LCNL1: variants seen among roughly 807,000 people sequenced by gnomAD.
LCNL1 encodes lipocalin-like 1 protein.
LCNL1 carries 11 observed loss-of-function variants against 7.9 expected under a neutral mutation model. The observed-to-expected ratio is 1.40, with a 90% CI of 0.88 to 2.32. The LOEUF is 2.32. Ranked by LOEUF, LCNL1 falls within the 30% of genes most tolerant of loss-of-function variation. The pLI is 0.00. For synonymous variants in LCNL1, 90 were observed against 92.5 expected (o/e 0.97, Z 0.15); for missense variants, 218 against 217.0 (o/e 1.00, Z -0.03).
rs1253563512 is a variant in LCNL1 at position 136,985,504 on chromosome 9, C to T, written c.*493C>T. On this transcript the variant is annotated 3_prime_UTR_variant, in exon 3 of 3. Coordinates refer to ENST00000408973, the MANE Select transcript of LCNL1 (RefSeq NM_207510.4). Reference sequence around the variant, plus strand: ...GCTGCACCGCGGGGCCCTCTACCTTCGGGGCAGCTAGGGACGACAGCGGGG... The same window carrying T: ...GCTGCACCGCGGGGCCCTCTACCTTTGGGGCAGCTAGGGACGACAGCGGGG... 6.4e-6 allele frequency: 1 copy of T among 155,276 alleles called. No homozygotes were observed. Among genetic ancestry groups the T allele is most frequent in the African/African-American group, 2.4e-5 (1 of 41,582 alleles). 9.6% of individuals were successfully genotyped at this position (155,276 alleles called of 1,614,324 possible).
Position 136,983,560 on chromosome 9 carries a change from G to A in LCNL1, c.-27G>A, listed in dbSNP as rs748471412. 2.5e-6 allele frequency: 4 copies of A among 1,609,518 alleles called. No individual in the cohort carries two copies. Among genetic ancestry groups the A allele is most frequent in the African/African-American group, 2.7e-5 (2 of 74,876 alleles). On this transcript the variant is annotated 5_prime_UTR_variant, in exon 1 of 3. Transcript: ENST00000408973. ...CGGCCTCCCAGCCTTCCCTGCACTTGCCCTGCAGTTCCAGGGCACCTGGTA... is the reference window on the plus strand; with the variant it reads ...CGGCCTCCCAGCCTTCCCTGCACTTACCCTGCAGTTCCAGGGCACCTGGTA...
chr9:136,985,268 T>G lies in LCNL1; in HGVS notation c.*257T>G. On this transcript the variant is annotated 3_prime_UTR_variant, in exon 3 of 3. Coordinates refer to ENST00000408973, the MANE Select transcript of LCNL1 (RefSeq NM_207510.4). ...GTGCCCGGGGCAGACCCAGCCTGTC[T>G]GGGTCGGGGGAGGGCGAGACGTTGC... 1 of 448,198 alleles carries G rather than the reference T, an allele frequency of 2.2e-6. No homozygotes were observed. The highest frequency in any genetic ancestry group is 4.0e-5 in the Admixed American group (1 of 24,798). The allele number at this position is 448,198 out of a possible 1,614,324, so 27.8% of individuals were successfully genotyped here.
In LCNL1 at chr9:136,985,411, G is replaced by A. The variant is rs1830490023; in HGVS notation, c.*400G>A. ...TCTCTCTGCAGACCAGTGTGCGGGC[G>A]CGCTCTCCCGGGTGAGTAGACCATG... is the stretch of plus-strand genomic sequence containing the variant. On this transcript the variant is annotated 3_prime_UTR_variant, in exon 3 of 3. Transcript: ENST00000408973. 1 of 186,232 alleles carries A rather than the reference G, an allele frequency of 5.4e-6. No individual in the cohort carries two copies. 11.5% of individuals were successfully genotyped at this position (186,232 alleles called of 1,614,324 possible). A position where few individuals can be genotyped will look rare whatever the true frequency, so the allele number is the denominator to read the frequency against.
chr9:136,984,613 C>T (rs774548854), intron 2 of LCNL1, 50 bp downstream of exon 2: 49 of 1,519,024 alleles, frequency 3.2e-5, no homozygotes, highest in Non-Finnish European at 4.2e-5. Flanking sequence ...CTGGAGGCTG[C>T]ATGGACTGCT....
Position 136,985,087 on chromosome 9 carries a change from C to A in LCNL1, c.*76C>A, listed in dbSNP as rs553472493. 7.2e-4 allele frequency: 972 copies of A among 1,348,950 alleles called. No homozygotes were observed. The highest frequency in any genetic ancestry group is 7.8e-4 in the Non-Finnish European group (784 of 1,009,200). 83.6% of individuals were successfully genotyped at this position (1,348,950 alleles called of 1,614,324 possible). On this transcript the variant is annotated 3_prime_UTR_variant, in exon 3 of 3. Coordinates refer to ENST00000408973, the MANE Select transcript of LCNL1 (RefSeq NM_207510.4). ...GGCGCCCAGAAGATGCAGCTACTGGCGCCCCAAGTGGGCCTGAGCCCCAGC... is the reference window on the plus strand; with the variant it reads ...GGCGCCCAGAAGATGCAGCTACTGGAGCCCCAAGTGGGCCTGAGCCCCAGC...
chr9:136,984,627 T>C (rs1439622621), intron 2 of LCNL1, 64 bp downstream of exon 2: 118 of 1,505,446 alleles, frequency 7.8e-5, no homozygotes, highest in Middle Eastern at 7.2e-4. Flanking sequence ...GACTGCTGGA[T>C]TGGCACCTGG....
At position 136,984,901 on chromosome 9, in the gene LCNL1, T is replaced by C. The variant is rs1830482347; in HGVS notation, c.385T>C (p.Phe129Leu). The C allele has an allele frequency of 1.3e-6, 2 of 1,557,314 alleles. No individual in the cohort carries two copies. The highest frequency in any genetic ancestry group is 8.7e-7 in the Non-Finnish European group (1 of 1,150,442). The change falls in exon 3 of 3, where the codon TTT (phenylalanine) becomes CTT (leucine). Residue 129 changes from phenylalanine (F) to leucine (L), a missense_variant. By Grantham distance (22) the Phe-to-Leu change is conservative. Coordinates refer to ENST00000408973, the MANE Select transcript of LCNL1 (RefSeq NM_207510.4). ...GMSPLCLHQPFLHAEGGTAGS... is the reference protein window; with the variant it reads ...GMSPLCLHQPLLHAEGGTAGS... ...GTCACCCCTGTGCCTGCACCAGCCC[T>C]TTCTGCACGCGGAAGGTGGAACCGC...
rs1830494471 is a variant in LCNL1, at chr9:136,985,750, CT to C, written c.*740del. On this transcript the variant is annotated 3_prime_UTR_variant, in exon 3 of 3. Coordinates refer to ENST00000408973, the MANE Select transcript of LCNL1 (RefSeq NM_207510.4). ...CCTGGCCCCAAGCGCAATAAACACC[CT>C]GAATGCCTGTGGCGCTGTGCGTTTC... 6.6e-6 allele frequency: 1 copy of C among 152,176 alleles called. No individual in the cohort carries two copies. Among genetic ancestry groups the C allele is most frequent in the Admixed American group, 6.5e-5 (1 of 15,284 alleles). The allele number at this position is 152,176 out of a possible 1,614,324, so 9.4% of individuals were successfully genotyped here. A position where few individuals can be genotyped will look rare whatever the true frequency, so the allele number is the denominator to read the frequency against.
chr9:136,984,803 AC>A lies in LCNL1; in HGVS notation c.289del (p.Gln97SerfsTer112), dbSNP rs1382590516. ...YLEMRKGGLR[N>X]QWLQLYGGRA... ...GAGATGCGGAAAGGGGGCCTGCGGA[AC>A]CAGTGGCTGCAGCTCTACGGTGGGC... On this transcript the variant is annotated frameshift_variant, in exon 3 of 3. Coordinates refer to ENST00000408973, the MANE Select transcript of LCNL1 (RefSeq NM_207510.4). LOFTEE classifies it low-confidence loss of function (END_TRUNC). 6.3e-7 allele frequency: 1 copy of A among 1,578,850 alleles called. No individual in the cohort carries two copies. Among genetic ancestry groups the A allele is most frequent in the Non-Finnish European group, 8.6e-7 (1 of 1,161,438 alleles).
In LCNL1 at chr9:136,983,585, A is replaced by G. The variant is rs751211878; in HGVS notation, c.-2A>G. 5.0e-6 allele frequency: 8 copies of G among 1,612,904 alleles called. No homozygotes were observed. Among genetic ancestry groups the G allele is most frequent in the Non-Finnish European group, 8.5e-7 (1 of 1,179,258 alleles). On this transcript the variant is annotated 5_prime_UTR_variant, in exon 1 of 3. Coordinates refer to ENST00000408973, the MANE Select transcript of LCNL1 (RefSeq NM_207510.4). ...GCCCTGCAGTTCCAGGGCACCTGGT[A>G]CATGGTCGGGGTGGTGTCAGATGAC... is the stretch of plus-strand genomic sequence containing the variant.
At position 136,983,497 on chromosome 9, in the gene LCNL1, G is replaced by T; in HGVS notation, c.-90G>T. ...CCGTGGCCAGGAAGCAGCTGTGTCGGGGCAGAATGTGGTGGGCTCAGGCCC... is the reference window on the plus strand; with the variant it reads ...CCGTGGCCAGGAAGCAGCTGTGTCGTGGCAGAATGTGGTGGGCTCAGGCCC... On this transcript the variant is annotated 5_prime_UTR_variant, in exon 1 of 3. Coordinates refer to ENST00000408973, the MANE Select transcript of LCNL1 (RefSeq NM_207510.4). The T allele has an allele frequency of 6.5e-7, 1 of 1,533,232 alleles. No homozygotes were observed. Among genetic ancestry groups the T allele is most frequent in the South Asian group, 1.1e-5 (1 of 87,960 alleles). The allele number at this position is 1,533,232 out of a possible 1,614,324, so 95.0% of individuals were successfully genotyped here. A position where few individuals can be genotyped will look rare whatever the true frequency, so the allele number is the denominator to read the frequency against.
Position 136,984,731 on chromosome 9 carries a change from T to A in LCNL1, c.215T>A (p.Ile72Asn). Residue 72 changes from isoleucine (I) to asparagine (N), a missense_variant, in exon 3 of 3, where the codon ATC (isoleucine) becomes AAC (asparagine). Physicochemically the swap from Ile to Asn is moderately radical, Grantham distance 149 (BLOSUM62 -3). Transcript: ENST00000408973. ...FSNPAMALSD[I>N]RVAFSDYQHF... ...CCTCCAGCCATGGCCCTGAGTGACA[T>A]CCGAGTGGCCTTCTCCGACTACCAG... The A allele has an allele frequency of 6.5e-7, 1 of 1,532,100 alleles. No individual in the cohort carries two copies. The highest frequency in any genetic ancestry group is 8.8e-7 in the Non-Finnish European group (1 of 1,134,948). 94.9% of individuals were successfully genotyped at this position (1,532,100 alleles called of 1,614,324 possible).
At position 136,983,314 on chromosome 9, in the gene LCNL1, G is replaced by GA. The variant is rs1343183771; in HGVS notation, c.-272dup. 2.7e-5 allele frequency: 11 copies of GA among 414,314 alleles called. No homozygotes were observed. The East Asian group carries it at 4.7e-4, about 18-fold the overall frequency. The allele number at this position is 414,314 out of a possible 1,614,324, so 25.7% of individuals were successfully genotyped here. A position where few individuals can be genotyped will look rare whatever the true frequency, so the allele number is the denominator to read the frequency against. On this transcript the variant is annotated 5_prime_UTR_variant, in exon 1 of 3. It introduces an in-frame stop codon into an upstream open reading frame of the 5' UTR. Transcript: ENST00000408973. The stretch of plus-strand genomic sequence containing the variant: ...CACTGTCCCCCACCCACCCCACAAA[G>GA]ACCTGTGACCTTGCCACAGCCCCAC...
At chr9:136,984,584 G>A in intron 2 of LCNL1, 21 bp downstream of exon 2, 1 of 1,546,770 alleles carries the variant, frequency 6.5e-7, no homozygotes, top group Non-Finnish European at 8.7e-7. Context: ...GCAGCAGGCA[G>A]GGCTGTGGCG....
In LCNL1 at chr9:136,983,439, G is replaced by T. The variant is rs1830463862; in HGVS notation, c.-148G>T. On this transcript the variant is annotated 5_prime_UTR_variant, in exon 1 of 3. Coordinates refer to ENST00000408973, the MANE Select transcript of LCNL1 (RefSeq NM_207510.4). ...ACTGAGGCCCCCCTCCCTCAGTTCTGCATCGGGGTCGAGATGTGTACAGCA... is the reference window on the plus strand; with the variant it reads ...ACTGAGGCCCCCCTCCCTCAGTTCTTCATCGGGGTCGAGATGTGTACAGCA... 2.2e-6 allele frequency: 2 copies of T among 926,710 alleles called. No individual in the cohort carries two copies. 57.4% of individuals were successfully genotyped at this position (926,710 alleles called of 1,614,324 possible). A position where few individuals can be genotyped will look rare whatever the true frequency, so the allele number is the denominator to read the frequency against.
In LCNL1 at chr9:136,984,998, C is replaced by T; in HGVS notation, c.482C>T (p.Ala161Val). The change falls in exon 3 of 3, where the codon GCC becomes GTC. Residue 161 changes from alanine to valine, a missense_variant. Transcript: ENST00000408973. ...CPSLPLFAPP[A>V]PSL ...TCTCTCCCTCTCTTCGCCCCTCCAG[C>T]CCCTTCCCTTTAGCTTACCCGCCCT... is the stretch of plus-strand genomic sequence containing the variant. 1 of 1,528,316 alleles carries T rather than the reference C, an allele frequency of 6.5e-7. No individual in the cohort carries two copies. Among genetic ancestry groups the T allele is most frequent in the Non-Finnish European group, 8.8e-7 (1 of 1,132,970 alleles). 94.7% of individuals were successfully genotyped at this position (1,528,316 alleles called of 1,614,324 possible).
rs1189586831 is a variant in LCNL1 at position 136,985,046 on chromosome 9, C to T, written c.*35C>T. 1 of 1,432,848 alleles carries T rather than the reference C, an allele frequency of 7.0e-7. No individual in the cohort carries two copies. The highest frequency in any genetic ancestry group is 9.2e-7 in the Non-Finnish European group (1 of 1,084,190). The allele number at this position is 1,432,848 out of a possible 1,614,324, so 88.8% of individuals were successfully genotyped here. ...CCTCCCCACCTTCAGCTCGAGCGCC[C>T]GAGCTGTTTCCCGAAGGCGCCCAGA... On this transcript the variant is annotated 3_prime_UTR_variant, in exon 3 of 3. Coordinates refer to ENST00000408973, the MANE Select transcript of LCNL1 (RefSeq NM_207510.4).
rs1830464580 is a variant in LCNL1 at position 136,983,513 on chromosome 9, G to T, written c.-74G>T. On this transcript the variant is annotated 5_prime_UTR_variant, in exon 1 of 3. Coordinates refer to ENST00000408973, the MANE Select transcript of LCNL1 (RefSeq NM_207510.4). ...GCTGTGTCGGGGCAGAATGTGGTGGGCTCAGGCCCAGGGCACAGGGGCGGC... is the reference window on the plus strand; with the variant it reads ...GCTGTGTCGGGGCAGAATGTGGTGGTCTCAGGCCCAGGGCACAGGGGCGGC... 1.3e-6 allele frequency: 2 copies of T among 1,584,592 alleles called. No individual in the cohort carries two copies. Among genetic ancestry groups the T allele is most frequent in the Admixed American group, 1.7e-5 (1 of 59,624 alleles).
At position 136,984,645 on chromosome 9, in the gene LCNL1, G is replaced by C. The variant is rs554591081; in HGVS notation, c.197-68G>C. The C allele has an allele frequency of 1.3e-4, 189 of 1,509,358 alleles. 1 individual carries two copies. In the South Asian group the frequency reaches 2.4e-3, roughly 19 times the overall value. The allele number at this position is 1,509,358 out of a possible 1,614,324, so 93.5% of individuals were successfully genotyped here. ...TGCTGGATTGGCACCTGGGGCCGGG[G>C]CGTGAGGGGTGCCACGCTCGGGGGG... On this transcript the variant is annotated intron_variant, in intron 2 of 2. Coordinates refer to ENST00000408973, the MANE Select transcript of LCNL1 (RefSeq NM_207510.4).
Sources: gnomAD v4.1 joint callset for allele counts on GRCh38, gnomAD v4.1.1 for gene constraint, MANE v1.5 for transcripts, NCBI Gene and HGNC (gene_info 2026-07-23, HGNC 2026-07-21) for gene names.